Variants in PCP4L1 observed in about 807,000 individuals in gnomAD.
PCP4L1 encodes Purkinje cell protein 4 like 1.
PCP4L1 carries 9 observed loss-of-function variants against 9.6 expected under a neutral mutation model. The observed-to-expected ratio is 0.94, with a 90% CI of 0.57 to 1.64. The LOEUF is 1.64. Among genes scored for constraint, PCP4L1 ranks in the 40% most tolerant of loss-of-function variants. PCP4L1 has a pLI of 0.00. For missense variants in PCP4L1, 81 were observed against 80.8 expected (o/e 1.00, Z -0.01); for synonymous variants, 31 against 28.2 (o/e 1.10, Z -0.31).
Position 161,284,646 on chromosome 1 carries a change from C to A in PCP4L1, c.*165C>A, listed in dbSNP as rs1044847150. 1.1e-6 allele frequency: 1 copy of A among 890,988 alleles called. No homozygotes were observed. Among genetic ancestry groups the A allele is most frequent in the Non-Finnish European group, 1.7e-6 (1 of 589,860 alleles). 55.2% of individuals were successfully genotyped at this position (890,988 alleles called of 1,614,324 possible). A position where few individuals can be genotyped will look rare whatever the true frequency, so the allele number is the denominator to read the frequency against. ...CCTCAAGCCATCACAGAAGTAGAGGCACAAGAGAGGTGGAGAAGATGAAGA... is the reference window on the plus strand; with the variant it reads ...CCTCAAGCCATCACAGAAGTAGAGGAACAAGAGAGGTGGAGAAGATGAAGA... On this transcript the variant is annotated 3_prime_UTR_variant, in exon 3 of 3. Transcript: ENST00000504449.
Position 161,284,381 on chromosome 1 carries a change from T to C in PCP4L1, c.107T>C (p.Ile36Thr), listed in dbSNP as rs1558147830. 1.2e-6 allele frequency: 2 copies of C among 1,613,724 alleles called. No homozygotes were observed. The highest frequency in any genetic ancestry group is 1.1e-5 in the South Asian group (1 of 91,062). The change falls in exon 3 of 3, where the codon ATT becomes ACT. Residue 36 changes from isoleucine to threonine, a missense_variant. Ile to Thr is a moderately conservative substitution (Grantham distance 89). Coordinates refer to ENST00000504449, the MANE Select transcript of PCP4L1 (RefSeq NM_001102566.2). ...NVKKAEEEEE[I>T]DIDLTAPETE... ...AAGAAGGCGGAGGAGGAGGAGGAGA[T>C]TGACATTGATCTGACAGCACCAGAA...
intron 1 of PCP4L1, among the ~76,000 whole-genome samples, chr1:161,260,463 G>A (rs149331570): frequency 0.018 from 2,764 of 152,262 alleles, 56 homozygotes; most frequent in South Asian, 0.059. Flanking sequence ...GAGGTCTAGG[G>A]TTCATACTAC....
chr1:161,267,167 G>A (rs1262224661), intron 1 of PCP4L1, among the ~76,000 whole-genome samples: 2 of 152,190 alleles, frequency 1.3e-5, no homozygotes, highest in Non-Finnish European at 2.9e-5. Context: ...AGGATTTTTA[G>A]GATTCAGTCC....
intron 1 of PCP4L1, among the ~76,000 whole-genome samples, chr1:161,280,704 A>G (rs78330291): frequency 0.044 from 6,706 of 152,330 alleles, 207 homozygotes; most frequent in Middle Eastern, 0.068. Context: ...CTGCAGAATT[A>G]GACATAGTCA....
Position 161,276,681 on chromosome 1 carries a change from TAA to T in PCP4L1, c.10-6974_10-6973del, listed in dbSNP as rs11312983. Among the ~76,000 whole-genome samples the T allele has an allele frequency of 7.3e-3, 1,013 of 139,552 alleles. 5 individuals carry two copies. The highest frequency in any genetic ancestry group is 0.012 in the African/African-American group (454 of 37,806). The allele number at this position is 139,552 out of a possible 152,430, so 91.6% of individuals were successfully genotyped here. A position where few individuals can be genotyped will look rare whatever the true frequency, so the allele number is the denominator to read the frequency against. ...GGGTGACAAAGCAAGACTTATCTCT[TAA>T]AAAAAAAAAAAAGGAAAATATGTGT... On this transcript the variant is annotated intron_variant, in intron 1 of 2. Transcript: ENST00000504449.
intron 1 of PCP4L1, among the ~76,000 whole-genome samples, chr1:161,274,309 G>A (rs1005258845): frequency 2.6e-5 from 4 of 151,802 alleles, no homozygotes; most frequent in Admixed American, 6.6e-5. Context: ...GCTCAGTATC[G>A]AAAGGAGTAG....
chr1:161,260,600 C>T (rs1669401350), intron 1 of PCP4L1, among the ~76,000 whole-genome samples: 1 of 152,170 alleles, frequency 6.6e-6, no homozygotes, highest in Non-Finnish European at 1.5e-5. Context: ...GGTAAGTGCA[C>T]AGCCCCTTTG....
At chr1:161,273,182 C>T (rs1669649155) in intron 1 of PCP4L1, among the ~76,000 whole-genome samples, 1 of 152,068 alleles carries the variant, frequency 6.6e-6, no homozygotes, top group African/African-American at 2.4e-5. Context: ...ACATCAGGCT[C>T]AGAGGCAAGG....
chr1:161,258,756 A>T lies in PCP4L1; in HGVS notation c.-219A>T. The T allele has an allele frequency of 1.4e-6, 1 of 690,014 alleles. No individual in the cohort carries two copies. The allele number at this position is 690,014 out of a possible 1,614,324, so 42.7% of individuals were successfully genotyped here. ...GGAGGCGGCGAGCTGAGCGGCTCTG[A>T]CAGGACGGGTCGCAGGGGGTCGCCT... On this transcript the variant is annotated 5_prime_UTR_variant, in exon 1 of 3. Coordinates refer to ENST00000504449, the MANE Select transcript of PCP4L1 (RefSeq NM_001102566.2).
At chr1:161,267,511 T>A (rs561934683) in intron 1 of PCP4L1, among the ~76,000 whole-genome samples, 1 of 152,178 alleles carries the variant, frequency 6.6e-6, no homozygotes, top group Non-Finnish European at 1.5e-5. Context: ...TCTTCCCTTT[T>A]CTGGTGACAG....
At chr1:161,277,391 C>T (rs1156796582) in intron 1 of PCP4L1, among the ~76,000 whole-genome samples, 2 of 152,168 alleles carry the variant, frequency 1.3e-5, no homozygotes, top group Admixed American at 1.3e-4. Flanking sequence ...AAGCCAGGTT[C>T]ACTGTTTTCT....
In PCP4L1 at chr1:161,283,693, C is replaced by A; in HGVS notation, c.35C>A (p.Thr12Asn). ...SELNTKTSPATNQAAGQEEKG... is the reference protein window; with the variant it reads ...SELNTKTSPANNQAAGQEEKG... Reference sequence around the variant, plus strand: ...CTTAATACCAAAACATCCCCAGCAACCAACCAGGCAGCTGGCCAAGAGGAA... The same window carrying A: ...CTTAATACCAAAACATCCCCAGCAAACAACCAGGCAGCTGGCCAAGAGGAA... The change falls in exon 2 of 3, where the codon ACC becomes AAC. Residue 12 changes from threonine to asparagine, a missense_variant. Physicochemically the swap from Thr to Asn is moderately conservative, Grantham distance 65 (BLOSUM62 0). Coordinates refer to ENST00000504449, the MANE Select transcript of PCP4L1 (RefSeq NM_001102566.2). The A allele has an allele frequency of 6.2e-7, 1 of 1,605,814 alleles. No homozygotes were observed. The highest frequency in any genetic ancestry group is 8.5e-7 in the Non-Finnish European group (1 of 1,175,804).
chr1:161,261,987 T>A (rs961973249), intron 1 of PCP4L1, among the ~76,000 whole-genome samples: 3 of 152,234 alleles, frequency 2.0e-5, no homozygotes, highest in African/African-American at 7.2e-5. Flanking sequence ...GTCAGAGTGA[T>A]ACTATTCTGT....
intron 1 of PCP4L1, among the ~76,000 whole-genome samples, chr1:161,274,225 C>T (rs1167123429): frequency 6.6e-6 from 1 of 152,094 alleles, no homozygotes. Context: ...TCTTCCAGTT[C>T]CCCCAGTTGG....
intron 1 of PCP4L1, among the ~76,000 whole-genome samples, chr1:161,272,336 G>T (rs993943435): frequency 6.6e-6 from 1 of 151,692 alleles, no homozygotes. Flanking sequence ...GAGGCGGGTA[G>T]ATCATGAGGT....
chr1:161,259,356 C>A (rs536136322), intron 1 of PCP4L1, among the ~76,000 whole-genome samples: 1 of 152,160 alleles, frequency 6.6e-6, no homozygotes, highest in Non-Finnish European at 1.5e-5. Context: ...TCTGTCCTCT[C>A]TCTCCTAGGG....
intron 1 of PCP4L1, among the ~76,000 whole-genome samples, chr1:161,260,606 C>G (rs1225461026): frequency 1.3e-5 from 2 of 152,166 alleles, no homozygotes; most frequent in African/African-American, 4.8e-5. Flanking sequence ...TGCACAGCCC[C>G]TTTGTAGGAC....
intron 1 of PCP4L1, among the ~76,000 whole-genome samples, chr1:161,266,396 C>G (rs1400059721): frequency 6.6e-6 from 1 of 152,208 alleles, no homozygotes; most frequent in Non-Finnish European, 1.5e-5. Flanking sequence ...TTCCCTAAAC[C>G]TCAGTGTGGG....
chr1:161,259,611 G>A (rs1167477915), intron 1 of PCP4L1, among the ~76,000 whole-genome samples: 3 of 152,200 alleles, frequency 2.0e-5, no homozygotes, highest in Admixed American at 6.5e-5. Context: ...AGGCTCTGTG[G>A]TGTTCACCGT....
Sources: gnomAD v4.1 joint callset for allele counts (sites outside exome capture counted in the v4.1 genomes callset) on GRCh38, gnomAD v4.1.1 for gene constraint, MANE v1.5 for transcripts, NCBI Gene and HGNC (gene_info 2026-07-23, HGNC 2026-07-21) for gene names.